The following DNAH7 variants were observed in gnomAD, a reference collection of about 807,000 sequenced individuals.
DNAH7 encodes dynein axonemal heavy chain 7, also known as axonemal beta dynein heavy chain 7.
In DNAH7, 397 loss-of-function variants were observed where a neutral mutation model predicts 444.6. The ratio of observed to expected loss-of-function variants is 0.89; its 90% CI spans 0.82 to 0.97. The LOEUF is 0.97. DNAH7 is among the 50% of genes least tolerant of loss of function. The probability of loss-of-function intolerance (pLI) is 0.00; values close to 1 mark genes in which losing one functional copy is unlikely to be tolerated. For missense variants in DNAH7, 4,902 were observed against 4,800.8 expected (o/e 1.02, Z -0.62); for synonymous variants, 1,636 against 1,624.4 (o/e 1.01, Z -0.17).
intron 23 of DNAH7, 96 bp downstream of exon 23, chr2:195,923,499 A>G (rs1490229395): frequency 8.5e-7 from 1 of 1,182,110 alleles, no homozygotes; most frequent in Non-Finnish European, 1.2e-6. Flanking sequence ...AAGATCTCAG[A>G]TTACTGCTAC....
At chr2:195,877,781 A>G (rs1288742966) in intron 36 of DNAH7, among the ~76,000 whole-genome samples, 1 of 152,234 alleles carries the variant, frequency 6.6e-6, no homozygotes, top group Admixed American at 6.5e-5. Context: ...TCCTCCCATC[A>G]GCCCAGCAGG....
At chr2:195,849,624 G>A (rs531455114) in intron 46 of DNAH7, among the ~76,000 whole-genome samples, 45 of 151,850 alleles carry the variant, frequency 3.0e-4, no homozygotes, top group South Asian at 2.5e-3. Context: ...TTTTTGAGAC[G>A]GAATCTTAAC....
At chr2:195,784,813 A>C (rs946733103) in intron 58 of DNAH7, among the ~76,000 whole-genome samples, 5 of 151,716 alleles carry the variant, frequency 3.3e-5, no homozygotes, top group African/African-American at 4.8e-5. Flanking sequence ...TCATTGTTTT[A>C]GTTTTTATTT....
rs1013147217 is a variant in DNAH7, at chr2:196,051,331, G to C, written c.79-82C>G. ...TTCACTGAACCAAATTTTACAGAAA[G>C]ACTATTTAAAAAGTACATATTATCC... is the stretch of plus-strand genomic sequence containing the variant. On this transcript the variant is annotated intron_variant, in intron 2 of 64. Coordinates refer to ENST00000312428, the MANE Select transcript of DNAH7 (RefSeq NM_018897.3). The C allele has an allele frequency of 2.8e-6, 3 of 1,062,318 alleles. No individual in the cohort carries two copies. The African/African-American group carries it at 4.7e-5, about 17-fold the overall frequency. The allele number at this position is 1,062,318 out of a possible 1,614,324, so 65.8% of individuals were successfully genotyped here. A position where few individuals can be genotyped will look rare whatever the true frequency, so the allele number is the denominator to read the frequency against.
intron 22 of DNAH7, among the ~76,000 whole-genome samples, chr2:195,924,855 A>T (rs1279858046): frequency 2.0e-5 from 3 of 152,230 alleles, no homozygotes. Flanking sequence ...CTAATGAGTA[A>T]GTTAAAAAAG....
Position 196,026,955 on chromosome 2 carries a change from T to C in DNAH7, c.487-15A>G, listed in dbSNP as rs1341687155. 5.8e-6 allele frequency: 9 copies of C among 1,549,086 alleles called. No individual in the cohort carries two copies. The East Asian group carries it at 6.9e-5, about 12-fold the overall frequency. Reference sequence around the variant, plus strand: ...TAGTAATATCTCTACAAAAAGAAGATAGGAAAAATGTAGATGTTTAACAAA... The same window carrying C: ...TAGTAATATCTCTACAAAAAGAAGACAGGAAAAATGTAGATGTTTAACAAA... On this transcript the variant is annotated splice_polypyrimidine_tract_variant and intron_variant, in intron 6 of 64. Coordinates refer to ENST00000312428, the MANE Select transcript of DNAH7 (RefSeq NM_018897.3).
intron 46 of DNAH7, among the ~76,000 whole-genome samples, chr2:195,850,662 G>A (rs1270525703): frequency 6.6e-6 from 1 of 152,170 alleles, no homozygotes. Context: ...GAGGGCCCTT[G>A]ATATCCAGAG....
rs1439532689 is a variant in DNAH7 at position 195,738,074 on chromosome 2, A to G, written c.11922T>C (p.Val3974=). 1.9e-6 allele frequency: 3 copies of G among 1,613,904 alleles called. No homozygotes were observed. Among genetic ancestry groups the G allele is most frequent in the Non-Finnish European group, 2.5e-6 (3 of 1,179,874 alleles). The change falls in exon 65 of 65, where the codon GTT becomes GTC. Residue 3974 remains valine (V), a synonymous_variant. Coordinates refer to ENST00000312428, the MANE Select transcript of DNAH7 (RefSeq NM_018897.3). ...RADIPKRPSY[V]APLYKTSERR... is the part of the protein sequence containing the mutation. The stretch of plus-strand genomic sequence containing the variant: ...GCTCACTTGTCTTATACAATGGAGC[A>G]ACATAACTTGGCCGTTTTGGTATAT...
At chr2:195,743,675 C>T (rs1693191415) in intron 63 of DNAH7, among the ~76,000 whole-genome samples, 2 of 152,140 alleles carry the variant, frequency 1.3e-5, no homozygotes. Flanking sequence ...TGGGGAAAAA[C>T]CCATTTATCT....
intron 15 of DNAH7, among the ~76,000 whole-genome samples, chr2:195,983,022 C>A (rs1692677977): frequency 1.3e-5 from 2 of 151,896 alleles, no homozygotes; most frequent in Admixed American, 6.6e-5. Flanking sequence ...CTTGAGGTGC[C>A]AGATACCCCA....
intron 5 of DNAH7, among the ~76,000 whole-genome samples, chr2:196,033,412 G>GT (rs1296350570): frequency 1.3e-5 from 2 of 152,074 alleles, no homozygotes; most frequent in Admixed American, 1.3e-4. Context: ...ACTTACCCCT[G>GT]TCTAACTAAG....
intron 15 of DNAH7, among the ~76,000 whole-genome samples, chr2:195,975,215 A>G (rs574918788): frequency 6.6e-6 from 1 of 152,150 alleles, no homozygotes; most frequent in Admixed American, 6.5e-5. Flanking sequence ...GGTAGGAAAG[A>G]TAGTCTTGAA....
intron 9 of DNAH7, among the ~76,000 whole-genome samples, chr2:196,017,168 C>T (rs1048932945): frequency 1.3e-5 from 2 of 152,070 alleles, no homozygotes; most frequent in South Asian, 2.1e-4. Flanking sequence ...GCGCCCACCA[C>T]CACACCCAGC....
chr2:195,869,875 A>G (rs192091966), intron 40 of DNAH7, among the ~76,000 whole-genome samples: 1 of 152,342 alleles, frequency 6.6e-6, no homozygotes, highest in Admixed American at 6.5e-5. Flanking sequence ...TATGTTTTAT[A>G]TAGGTATGTA....
chr2:195,980,730 A>G (rs1336909186), intron 15 of DNAH7, among the ~76,000 whole-genome samples: 5 of 152,188 alleles, frequency 3.3e-5, no homozygotes, highest in Admixed American at 2.0e-4. Flanking sequence ...GATACACTGT[A>G]TCAACAGAAT....
At chr2:195,900,930 T>A (rs1343213212) in intron 27 of DNAH7, 1 of 152,492 alleles carries the variant, frequency 6.6e-6, no homozygotes, top group African/African-American at 2.4e-5. Flanking sequence ...TATACAATTA[T>A]TGTATGTCAT....
intron 21 of DNAH7, among the ~76,000 whole-genome samples, chr2:195,927,024 C>G (rs530254695): frequency 2.6e-5 from 4 of 152,120 alleles, no homozygotes; most frequent in Non-Finnish European, 5.9e-5. Context: ...ATCACACAAT[C>G]TTTCTCAAGT....
intron 39 of DNAH7, 61 bp downstream of exon 39, chr2:195,873,507 A>G (rs1046718425): frequency 8.8e-5 from 90 of 1,028,234 alleles, no homozygotes; most frequent in Non-Finnish European, 1.1e-4. Context: ...CTTAATATTG[A>G]TATGTTTCTA....
intron 5 of DNAH7, among the ~76,000 whole-genome samples, chr2:196,028,769 T>C (rs1210664444): frequency 1.3e-5 from 2 of 152,182 alleles, no homozygotes; most frequent in Non-Finnish European, 2.9e-5. Flanking sequence ...TCATCTAAAA[T>C]GGATACAGGT....
Sources: gnomAD v4.1 joint callset for allele counts (sites outside exome capture counted in the v4.1 genomes callset) on GRCh38, gnomAD v4.1.1 for gene constraint, MANE v1.5 for transcripts, NCBI Gene and HGNC (gene_info 2026-07-23, HGNC 2026-07-21) for gene names.